Variants in SBNO1 observed in about 807,000 individuals in gnomAD.
SBNO1 encodes the protein protein strawberry notch homolog 1.
SBNO1 carries 23 observed loss-of-function variants against 173.6 expected under a neutral mutation model. The ratio of observed to expected loss-of-function variants is 0.13; its 90% CI spans 0.10 to 0.19. SBNO1 has a LOEUF of 0.19. SBNO1 is among the 10% of genes least tolerant of loss of function. SBNO1 has a pLI of 1.00. For synonymous variants in SBNO1, 632 were observed against 571.5 expected (o/e 1.11, Z -1.51); for missense variants, 1,238 against 1,671.2 (o/e 0.74, Z 4.52).
chr12:123,311,744 ATATATT>A (rs1326276484), intron 24 of SBNO1, among the ~76,000 whole-genome samples: 72 of 132,862 alleles, frequency 5.4e-4, no homozygotes, highest in Non-Finnish European at 9.2e-4. Context: ...ATATATATAT[ATATATT>A]TTTGCGACAG....
chr12:123,328,997 T>C (rs1225211564), intron 9 of SBNO1, 102 bp from the exon 10 acceptor site: 1 of 639,180 alleles, frequency 1.6e-6, no homozygotes, highest in Middle Eastern at 4.1e-4. Flanking sequence ...GTTAGGCCCA[T>C]GACAGGCTTC....
rs758874045 is a variant in SBNO1 at position 123,295,911 on chromosome 12, T to C, written c.4179A>G (p.Ala1393=). Residue 1393 remains alanine (A), a synonymous_variant, in exon 32 of 32, where the codon GCA becomes GCG. Coordinates refer to ENST00000602398, the MANE Select transcript of SBNO1 (RefSeq NM_001167856.3). ...CATGTTGAAACCTGTCTGTTCTTCATGCGTTGCTCAAGTTGGTGATGCTCT... is the reference window on the plus strand; with the variant it reads ...CATGTTGAAACCTGTCTGTTCTTCACGCGTTGCTCAAGTTGGTGATGCTCT... ...HPQSITNLSN[A] The C allele has an allele frequency of 6.2e-6, 10 of 1,613,580 alleles. No homozygotes were observed. In the African/African-American group the frequency reaches 9.3e-5, roughly 15 times the overall value.
At position 123,328,459 on chromosome 12, in the gene SBNO1, T is replaced by C. The variant is rs146338670; in HGVS notation, c.1296+275A>G. ...CTTAGTCTTCTCGGGTATTCTGCTA[T>C]GTAAATATGCAATGTTAATCCTCAA... On this transcript the variant is annotated intron_variant, in intron 10 of 31. Transcript: ENST00000602398. 5.9e-5 allele frequency among the ~76,000 whole-genome samples: 9 copies of C among 152,360 alleles called. No individual in the cohort carries two copies. The East Asian group carries it at 1.7e-3, about 29-fold the overall frequency.
chr12:123,316,000 G>GT (rs1411324948), intron 21 of SBNO1, among the ~76,000 whole-genome samples: 1 of 152,128 alleles, frequency 6.6e-6, no homozygotes, highest in East Asian at 1.9e-4. Context: ...ACATATAGAA[G>GT]TAGCAGCTTC....
chr12:123,320,591 G>A lies in SBNO1; in HGVS notation c.2508C>T (p.Asn836=), dbSNP rs1231393748. 18 of 1,613,180 alleles carry A rather than the reference G, an allele frequency of 1.1e-5. No homozygotes were observed. The Admixed American group carries it at 2.7e-4, about 24-fold the overall frequency. The change falls in exon 19 of 32, where the codon AAC becomes AAT. Residue 836 remains asparagine (N), a synonymous_variant. Transcript: ENST00000602398. ...PNSTPANSNT[N]SNSSLITSQD... ...GACTTGTTATAAGGCTACTGTTACT[G>A]TTGGTGTTACTGTTAGCTAGATAAA...
chr12:123,331,214 G>T, intron 8 of SBNO1, 28 bp downstream of exon 8: 1 of 1,609,988 alleles, frequency 6.2e-7, no homozygotes. Flanking sequence ...CGCTGCGCCT[G>T]GCCCACAGCC....
At chr12:123,329,726 C>G (rs1416217667) in intron 9 of SBNO1, among the ~76,000 whole-genome samples, 2 of 152,154 alleles carry the variant, frequency 1.3e-5, no homozygotes, top group African/African-American at 4.8e-5. Context: ...TTTAGGGCAA[C>G]ACTGAATTCA....
At position 123,315,659 on chromosome 12, in the gene SBNO1, T is replaced by A; in HGVS notation, c.2937A>T (p.Gly979=). Residue 979 remains glycine, a splice_region_variant and synonymous_variant, in exon 22 of 32, where the codon GGA becomes GGT. Coordinates refer to ENST00000602398, the MANE Select transcript of SBNO1 (RefSeq NM_001167856.3). ...WSADRAIQQF[G]RTHRSNQVTA... is the part of the protein sequence containing the mutation. ...TAACTTGGTTTGATCTATGAGTACGTCCTGCAACGAAATTTTGTTTTAAAG... is the reference window on the plus strand; with the variant it reads ...TAACTTGGTTTGATCTATGAGTACGACCTGCAACGAAATTTTGTTTTAAAG... 1 of 1,580,154 alleles carries A rather than the reference T, an allele frequency of 6.3e-7. No homozygotes were observed.
chr12:123,302,704 C>G, intron 30 of SBNO1, 120 bp downstream of exon 30: 1 of 730,650 alleles, frequency 1.4e-6, no homozygotes, highest in Non-Finnish European at 2.5e-6. Context: ...TGGAACACAC[C>G]ACGCCTGACA....
intron 23 of SBNO1, 27 bp from the exon 24 acceptor site, chr12:123,313,746 C>T: frequency 7.4e-7 from 1 of 1,359,264 alleles, no homozygotes. Flanking sequence ...AAACCTTTAA[C>T]CAGTTTCAGC....
intron 1 of SBNO1, among the ~76,000 whole-genome samples, chr12:123,354,787 G>A (rs146994025): frequency 1.8e-3 from 269 of 152,256 alleles, no homozygotes; most frequent in African/African-American, 6.1e-3. Context: ...GGAATTCATA[G>A]ACCTCAGATG....
At chr12:123,356,249 G>A (rs1874445575) in intron 1 of SBNO1, among the ~76,000 whole-genome samples, 1 of 152,188 alleles carries the variant, frequency 6.6e-6, no homozygotes, top group Non-Finnish European at 1.5e-5. Context: ...TAGGATTACT[G>A]TGTGAAGTAA....
At chr12:123,364,230 C>T (rs1208885005) in intron 1 of SBNO1, 2 of 985,534 alleles carry the variant, frequency 2.0e-6, no homozygotes, top group African/African-American at 1.7e-5. Flanking sequence ...TGCCTCCCTC[C>T]CTCGCCCAGA....
At chr12:123,359,588 G>T (rs1874885892) in intron 1 of SBNO1, among the ~76,000 whole-genome samples, 1 of 151,624 alleles carries the variant, frequency 6.6e-6, no homozygotes, top group Non-Finnish European at 1.5e-5. Context: ...ATAGTTGTAT[G>T]GGTATATGTA....
intron 1 of SBNO1, among the ~76,000 whole-genome samples, chr12:123,361,196 A>G (rs1042381705): frequency 5.9e-5 from 9 of 152,022 alleles, no homozygotes; most frequent in African/African-American, 2.2e-4. Flanking sequence ...GTGAGCAGAG[A>G]TCACACCACT....
At chr12:123,304,552 A>G (rs1228229436) in intron 29 of SBNO1, 30 bp downstream of exon 29, 2 of 1,453,608 alleles carry the variant, frequency 1.4e-6, no homozygotes, top group East Asian at 2.4e-5. Flanking sequence ...AAGTATTCCT[A>G]TATAATATAA....
At chr12:123,359,732 TA>T (rs1436609458) in intron 1 of SBNO1, among the ~76,000 whole-genome samples, 1 of 152,136 alleles carries the variant, frequency 6.6e-6, no homozygotes, top group Non-Finnish European at 1.5e-5. Flanking sequence ...ATCTTATTCA[TA>T]AAAGAGAATT....
intron 15 of SBNO1, among the ~76,000 whole-genome samples, chr12:123,324,935 G>A (rs1870441413): frequency 6.6e-6 from 1 of 151,850 alleles, no homozygotes; most frequent in Admixed American, 6.6e-5. Context: ...CAGCCTCCCA[G>A]GTAGGTGGGA....
chr12:123,303,631 C>G (rs181233602), intron 29 of SBNO1, among the ~76,000 whole-genome samples: 75 of 145,714 alleles, frequency 5.1e-4, no homozygotes, highest in African/African-American at 1.9e-3. Flanking sequence ...GCCTGGGTAA[C>G]AGAACCTTAG....
Sources: gnomAD v4.1 joint callset for allele counts (sites outside exome capture counted in the v4.1 genomes callset) on GRCh38, gnomAD v4.1.1 for gene constraint, MANE v1.5 for transcripts, NCBI Gene and HGNC (gene_info 2026-07-23, HGNC 2026-07-21) for gene names.